The following DMD variants were observed in gnomAD, a reference collection of about 807,000 sequenced individuals.
The protein encoded by DMD is dystrophin.
DMD carries 63 observed loss-of-function variants against 330.1 expected under a neutral mutation model. That is an observed-to-expected ratio of 0.19 (90% CI 0.16 to 0.24). The LOEUF is 0.24. Among genes scored for constraint, DMD ranks in the 10% least tolerant of loss-of-function variants. DMD has a pLI of 1.00. For synonymous variants in DMD, 1,223 were observed against 959.8 expected (o/e 1.27, Z -5.07); for missense variants, 3,344 against 2,684.1 (o/e 1.25, Z -5.43).
chrX:32,508,510 TTC>T (rs1207900310), intron 18 of DMD, among the ~76,000 whole-genome samples: 2 of 111,820 alleles, frequency 1.8e-5, no homozygotes, highest in Non-Finnish European at 3.8e-5. Context: ...CTGTTATCAG[TTC>T]TGTCTCTACT....
intron 48 of DMD, among the ~76,000 whole-genome samples, chrX:31,869,257 A>C (rs2093850273): frequency 9.0e-6 from 1 of 111,149 alleles, no homozygotes; most frequent in Admixed American, 9.6e-5. Flanking sequence ...GGCCAGTCTT[A>C]TTTTATAAAC....
intron 7 of DMD, among the ~76,000 whole-genome samples, chrX:32,720,435 A>C: frequency 8.9e-6 from 1 of 112,123 alleles, no homozygotes; most frequent in Non-Finnish European, 1.9e-5. Context: ...CATCCAAATG[A>C]GCAAATTACA....
intron 48 of DMD, among the ~76,000 whole-genome samples, chrX:31,870,224 G>C (rs2093868371): frequency 8.9e-6 from 1 of 111,760 alleles, no homozygotes; most frequent in Non-Finnish European, 1.9e-5. Context: ...CCTTTTCTTA[G>C]AGCATTTACT....
intron 9 of DMD, among the ~76,000 whole-genome samples, chrX:32,681,348 A>G (rs2062407564): frequency 9.0e-6 from 1 of 111,445 alleles, no homozygotes; most frequent in Non-Finnish European, 1.9e-5. Flanking sequence ...CCATATTTGT[A>G]CGATCTCTCC....
intron 4 of DMD, among the ~76,000 whole-genome samples, chrX:32,829,935 A>G (rs2079029919): frequency 8.9e-6 from 1 of 111,928 alleles, no homozygotes; most frequent in African/African-American, 3.2e-5. Flanking sequence ...CTCCAAGTTA[A>G]TAAACATTTC....
At chrX:32,340,159 C>T (rs1375482730) in intron 41 of DMD, among the ~76,000 whole-genome samples, 1 of 111,733 alleles carries the variant, frequency 8.9e-6, no homozygotes, top group Non-Finnish European at 1.9e-5. Context: ...TACTTATCAT[C>T]TATCAATTAT....
At chrX:33,011,682 T>C (rs188559586) in intron 2 of DMD, among the ~76,000 whole-genome samples, 204 of 112,353 alleles carry the variant, frequency 1.8e-3, no homozygotes, top group African/African-American at 6.2e-3. Flanking sequence ...TAGCTGGCAT[T>C]CAATAAGTAT....
chrX:31,408,321 A>C (rs2061491179), intron 60 of DMD, among the ~76,000 whole-genome samples: 1 of 112,565 alleles, frequency 8.9e-6, no homozygotes, highest in Non-Finnish European at 1.9e-5. Flanking sequence ...AAATGTTTGT[A>C]GGGATCTGTT....
intron 55 of DMD, among the ~76,000 whole-genome samples, chrX:31,621,624 C>T (rs1046819403): frequency 1.8e-5 from 2 of 111,743 alleles, no homozygotes; most frequent in South Asian, 3.7e-4. Flanking sequence ...TGATAAAATC[C>T]TGTGATGTAC....
At chrX:31,134,915 C>T (rs779333530) in intron 76 of DMD, among the ~76,000 whole-genome samples, 7 of 111,348 alleles carry the variant, frequency 6.3e-5, no homozygotes, top group Non-Finnish European at 1.3e-4. Context: ...AGGCTGGGTG[C>T]GGTCGCTCAT....
intron 55 of DMD, among the ~76,000 whole-genome samples, chrX:31,528,609 G>A (rs1003013937): frequency 8.9e-6 from 1 of 112,207 alleles, no homozygotes; most frequent in African/African-American, 3.2e-5. Flanking sequence ...TCAATAAATC[G>A]AGCTTAATTT....
At chrX:32,723,843 A>G (rs1437855208) in intron 7 of DMD, among the ~76,000 whole-genome samples, 1 of 109,647 alleles carries the variant, frequency 9.1e-6, no homozygotes, top group African/African-American at 3.3e-5. Context: ...GCCACACCTA[A>G]AATACACTAA....
intron 7 of DMD, among the ~76,000 whole-genome samples, chrX:32,748,355 A>G (rs1265048222): frequency 2.8e-5 from 3 of 108,660 alleles, no homozygotes; most frequent in Admixed American, 9.9e-5. Flanking sequence ...CAAAAAAAAA[A>G]AAAAGAAAAG....
intron 45 of DMD, among the ~76,000 whole-genome samples, chrX:31,952,241 G>A (rs1033584832): frequency 4.5e-5 from 5 of 111,164 alleles, no homozygotes; most frequent in African/African-American, 1.6e-4. Flanking sequence ...GAGCTTAACC[G>A]TATTTGTGAA....
At chrX:32,667,063 A>G (rs2061349541) in intron 9 of DMD, among the ~76,000 whole-genome samples, 1 of 111,615 alleles carries the variant, frequency 9.0e-6, no homozygotes, top group Admixed American at 9.6e-5. Context: ...TATGGCATAT[A>G]TGCAATTGAA....
chrX:32,870,969 A>AG, intron 2 of DMD, among the ~76,000 whole-genome samples: 1 of 68,940 alleles, frequency 1.5e-5, no homozygotes, highest in African/African-American at 5.4e-5. Context: ...AAAAAAAAAA[A>AG]AAAAAAAAAA....
intron 2 of DMD, among the ~76,000 whole-genome samples, chrX:32,989,744 T>TTTTTGCCTGTATATAAAAAG (rs2147292581): frequency 9.0e-6 from 1 of 111,494 alleles, no homozygotes; most frequent in African/African-American, 3.2e-5. Context: ...TCTACTTAAA[T>TTTTTGCCTGTATATAAAAAG]TTTTGCCTGT....
At chrX:33,125,986 C>T (rs1254120824) in intron 1 of DMD, among the ~76,000 whole-genome samples, 2 of 107,649 alleles carry the variant, frequency 1.9e-5, no homozygotes, top group African/African-American at 6.8e-5. Context: ...TTGCAGTGAC[C>T]CGAGATCGTG....
chrX:32,778,243 C>CAAAAAAAAAA (rs35311570), intron 7 of DMD, among the ~76,000 whole-genome samples: 3 of 67,666 alleles, frequency 4.4e-5, no homozygotes, highest in African/African-American at 1.7e-4. Flanking sequence ...CAGATCCTCG[C>CAAAAAAAAAA]AAAAAAAAAA....
Sources: gnomAD v4.1 joint callset for allele counts (sites outside exome capture counted in the v4.1 genomes callset) on GRCh38, gnomAD v4.1.1 for gene constraint, MANE v1.5 for transcripts, NCBI Gene and HGNC (gene_info 2026-07-23, HGNC 2026-07-21) for gene names.